The following CLASP1 variants were observed in gnomAD, a reference collection of about 807,000 sequenced individuals.
CLASP1 encodes cytoplasmic linker associated protein 1.
In CLASP1, 38 loss-of-function variants were observed where a neutral mutation model predicts 192.3. The observed-to-expected ratio is 0.20, with a 90% CI of 0.15 to 0.26. The LOEUF (loss-of-function observed/expected upper bound fraction) is 0.26. CLASP1 is among the 10% of genes least tolerant of loss of function. CLASP1 has a pLI of 1.00. For missense variants in CLASP1, 1,433 were observed against 1,932.5 expected (o/e 0.74, Z 4.85); for synonymous variants, 691 against 712.8 (o/e 0.97, Z 0.49).
chr2:121,339,165 ACAC>A (rs1190580776), exon 40 of CLASP1: 2 of 153,004 alleles, frequency 1.3e-5, no homozygotes, highest in East Asian at 3.8e-4. Flanking sequence ...ACACACACAC[ACAC>A]ACGTCAGCAC....
intron 2 of CLASP1, among the ~76,000 whole-genome samples, chr2:121,557,569 G>A (rs1204223558): frequency 6.6e-6 from 1 of 151,610 alleles, no homozygotes; most frequent in Non-Finnish European, 1.5e-5. Context: ...AGGCGACAGA[G>A]TGAGACTCTG....
intron 2 of CLASP1, among the ~76,000 whole-genome samples, chr2:121,584,340 C>T (rs781558749): frequency 3.9e-5 from 6 of 152,188 alleles, no homozygotes; most frequent in Non-Finnish European, 7.4e-5. Flanking sequence ...CAGTTTTATG[C>T]TCTTTTGGAT....
chr2:121,499,094 A>C (rs910673107), intron 8 of CLASP1, among the ~76,000 whole-genome samples: 1 of 152,234 alleles, frequency 6.6e-6, no homozygotes, highest in Non-Finnish European at 1.5e-5. Context: ...CAGAAATGAA[A>C]ATACATATCC....
chr2:121,357,102 C>A (rs1294296049), intron 37 of CLASP1, among the ~76,000 whole-genome samples: 2 of 152,154 alleles, frequency 1.3e-5, no homozygotes, highest in Admixed American at 1.3e-4. Flanking sequence ...GACAATGTAC[C>A]GGCTACCCCA....
intron 8 of CLASP1, among the ~76,000 whole-genome samples, chr2:121,473,119 A>T (rs2091047322): frequency 6.6e-6 from 1 of 152,248 alleles, no homozygotes; most frequent in Non-Finnish European, 1.5e-5. Flanking sequence ...GAGGGAAGAA[A>T]ATGTGGCCCA....
At chr2:121,374,872 T>C (rs1208716682) in intron 34 of CLASP1, among the ~76,000 whole-genome samples, 1 of 152,216 alleles carries the variant, frequency 6.6e-6, no homozygotes, top group Non-Finnish European at 1.5e-5. Context: ...TACAGGCTCA[T>C]AGGCGGAAGG....
At chr2:121,479,108 C>G (rs1400598253) in intron 8 of CLASP1, among the ~76,000 whole-genome samples, 8 of 142,136 alleles carry the variant, frequency 5.6e-5, no homozygotes, top group Non-Finnish European at 9.2e-5. Flanking sequence ...CGGATGCTTT[C>G]CCCCTAAGAC....
intron 2 of CLASP1, among the ~76,000 whole-genome samples, chr2:121,549,706 C>CA (rs57551536): frequency 0.015 from 1,033 of 70,398 alleles, 21 homozygotes; most frequent in African/African-American, 0.034. Context: ...CAATCCTCTG[C>CA]AAAAAAAAAA....
intron 1 of CLASP1, among the ~76,000 whole-genome samples, chr2:121,612,286 G>A (rs531175110): frequency 1.1e-4 from 17 of 151,278 alleles, no homozygotes; most frequent in African/African-American, 3.6e-4. Context: ...ACTAGAGGAG[G>A]AGGAGGAGTT....
chr2:121,403,705 C>G, intron 26 of CLASP1: 1 of 457,902 alleles, frequency 2.2e-6, no homozygotes, highest in Non-Finnish European at 4.4e-6. Flanking sequence ...GATACCCTGT[C>G]TCACGTCTTT....
At chr2:121,497,512 GA>G (rs935331524) in intron 8 of CLASP1, among the ~76,000 whole-genome samples, 1 of 152,050 alleles carries the variant, frequency 6.6e-6, no homozygotes, top group Non-Finnish European at 1.5e-5. Flanking sequence ...AAACATTTAT[GA>G]AAAAAATGTG....
intron 2 of CLASP1, among the ~76,000 whole-genome samples, chr2:121,583,998 A>G (rs889017515): frequency 1.3e-5 from 2 of 152,120 alleles, no homozygotes; most frequent in African/African-American, 2.4e-5. Flanking sequence ...TGTCCCTTCC[A>G]GAGGATGCAG....
chr2:121,449,420 A>G (rs188823600), intron 16 of CLASP1, among the ~76,000 whole-genome samples: 73 of 152,326 alleles, frequency 4.8e-4, no homozygotes, highest in Admixed American at 4.5e-3. Context: ...GGAGCTAAAC[A>G]TCTAAGACCA....
At chr2:121,353,030 C>A (rs1233324793) in intron 37 of CLASP1, among the ~76,000 whole-genome samples, 1 of 152,136 alleles carries the variant, frequency 6.6e-6, no homozygotes, top group African/African-American at 2.4e-5. Context: ...ATTTTAGCTA[C>A]AAAACACATG....
At chr2:121,582,823 C>T (rs1023691537) in intron 2 of CLASP1, among the ~76,000 whole-genome samples, 6 of 150,556 alleles carry the variant, frequency 4.0e-5, no homozygotes, top group Admixed American at 6.6e-5. Context: ...CTTGCTCTGT[C>T]GCCCTGGCTG....
intron 22 of CLASP1, among the ~76,000 whole-genome samples, chr2:121,420,856 T>C (rs1204393680): frequency 6.6e-6 from 1 of 152,222 alleles, no homozygotes; most frequent in African/African-American, 2.4e-5. Flanking sequence ...CTCTTTTTCG[T>C]CTGAGTCTGT....
At chr2:121,387,685 A>G (rs2073554143) in intron 31 of CLASP1, 78 bp downstream of exon 32, 1 of 1,407,994 alleles carries the variant, frequency 7.1e-7, no homozygotes, top group Non-Finnish European at 9.9e-7. Flanking sequence ...GGGGTATTCT[A>G]TTAGAGTAGG....
At chr2:121,521,664 C>G (rs531494783) in intron 6 of CLASP1, among the ~76,000 whole-genome samples, 1 of 152,192 alleles carries the variant, frequency 6.6e-6, no homozygotes, top group Admixed American at 6.5e-5. Flanking sequence ...TCACTGCATT[C>G]GGACCACCAA....
At chr2:121,369,639 G>C (rs1487916425) in intron 34 of CLASP1, among the ~76,000 whole-genome samples, 1 of 152,088 alleles carries the variant, frequency 6.6e-6, no homozygotes, top group South Asian at 2.1e-4. Context: ...GCAGGAACCC[G>C]GTGTGCACGC....
Sources: gnomAD v4.1 joint callset for allele counts (sites outside exome capture counted in the v4.1 genomes callset) on GRCh38, gnomAD v4.1.1 for gene constraint, MANE v1.5 for transcripts, NCBI Gene and HGNC (gene_info 2026-07-23, HGNC 2026-07-21) for gene names.